EXT1: variants seen among roughly 807,000 people sequenced by gnomAD.
EXT1 encodes exostosin-1.
In EXT1, 20 loss-of-function variants were observed where a neutral mutation model predicts 82.5. The ratio of observed to expected loss-of-function variants is 0.24; its 90% CI spans 0.17 to 0.35. The LOEUF is 0.35. EXT1 is among the 10% of genes least tolerant of loss of function. The pLI, the probability that EXT1 is intolerant of heterozygous loss-of-function variation, is 1.00. For synonymous variants in EXT1, 348 were observed against 350.8 expected (o/e 0.99, Z 0.09); for missense variants, 757 against 936.5 (o/e 0.81, Z 2.50).
chr8:117,867,306 T>TG (rs1301567801), intron 1 of EXT1, among the ~76,000 whole-genome samples: 2 of 130,382 alleles, frequency 1.5e-5, no homozygotes, highest in African/African-American at 5.9e-5. Flanking sequence ...GGAAAATGAG[T>TG]GGGGAAGAGA....
At chr8:117,881,432 G>A (rs1039478295) in intron 1 of EXT1, among the ~76,000 whole-genome samples, 3 of 152,124 alleles carry the variant, frequency 2.0e-5, no homozygotes, top group African/African-American at 7.2e-5. Flanking sequence ...AATGACTCCT[G>A]GTTTTTAACA....
At chr8:117,923,286 A>C (rs1414948064) in intron 1 of EXT1, among the ~76,000 whole-genome samples, 1 of 152,070 alleles carries the variant, frequency 6.6e-6, no homozygotes, top group East Asian at 1.9e-4. Flanking sequence ...GTACCACTGC[A>C]CTCCAGCCTG....
At chr8:117,861,427 T>A (rs1812681470) in intron 1 of EXT1, among the ~76,000 whole-genome samples, 1 of 152,086 alleles carries the variant, frequency 6.6e-6, no homozygotes. Flanking sequence ...TAAGTCCCGA[T>A]TTTGGGGGGT....
intron 1 of EXT1, among the ~76,000 whole-genome samples, chr8:118,021,660 T>C (rs1053618700): frequency 6.6e-6 from 1 of 152,234 alleles, no homozygotes. Flanking sequence ...TGTGTGATGG[T>C]TCACTCAAGG....
At chr8:117,895,044 G>C (rs1298849786) in intron 1 of EXT1, among the ~76,000 whole-genome samples, 2 of 152,196 alleles carry the variant, frequency 1.3e-5, no homozygotes, top group Non-Finnish European at 2.9e-5. Flanking sequence ...GTATCAAATT[G>C]TCACAACCTC....
chr8:117,951,154 TTTTAGAGTGTTATCGTGACTGGTTA>T (rs1425748249), intron 1 of EXT1, among the ~76,000 whole-genome samples: 5 of 152,192 alleles, frequency 3.3e-5, no homozygotes, highest in African/African-American at 1.2e-4. Context: ...AGAGGTAATG[TTTTAGAGTGTTATCGTGACTGGTTA>T]TTTTAAGGGA....
intron 1 of EXT1, among the ~76,000 whole-genome samples, chr8:117,910,641 C>G (rs1813628840): frequency 6.6e-6 from 1 of 152,144 alleles, no homozygotes; most frequent in Non-Finnish European, 1.5e-5. Flanking sequence ...AACAGAGAAT[C>G]AATTATATGT....
chr8:117,879,740 C>A (rs1813030107), intron 1 of EXT1, among the ~76,000 whole-genome samples: 1 of 152,124 alleles, frequency 6.6e-6, no homozygotes, highest in Admixed American at 6.6e-5. Context: ...ATTTTCCCCC[C>A]AAAACACAAA....
chr8:118,007,263 C>T (rs1161257210), intron 1 of EXT1, among the ~76,000 whole-genome samples: 1 of 151,950 alleles, frequency 6.6e-6, no homozygotes, highest in Non-Finnish European at 1.5e-5. Context: ...CGCCACTGCA[C>T]TCCAACCTGG....
In EXT1 at chr8:118,110,787, T is replaced by C; in HGVS notation, c.260A>G (p.Asp87Gly). The C allele has an allele frequency of 6.2e-7, 1 of 1,613,742 alleles. No individual in the cohort carries two copies. The highest frequency in any genetic ancestry group is 8.5e-7 in the Non-Finnish European group (1 of 1,179,680). ...SVHISPRQKR[D>G]ANSSIYKGKK... is the part of the protein sequence containing the mutation. ...GCCTTTGTAGATGCTGGAGTTGGCA[T>C]CTCGCTTCTGCCGGGGGGAAATGTG... is the stretch of plus-strand genomic sequence containing the variant. The change falls in exon 1 of 11, where the codon GAT becomes GGT. Residue 87 changes from aspartate (D) to glycine (G), a missense_variant. This residue lies in a region of EXT1 where 175 missense variants were observed against 159.0 expected (regional missense o/e 1.10). Coordinates refer to ENST00000378204, the MANE Select transcript of EXT1 (RefSeq NM_000127.3).
intron 1 of EXT1, among the ~76,000 whole-genome samples, chr8:118,068,716 T>C (rs534133008): frequency 1.3e-5 from 2 of 152,288 alleles, no homozygotes; most frequent in South Asian, 4.1e-4. Flanking sequence ...GCAGAATATA[T>C]TACAAAAAAC....
intron 1 of EXT1, among the ~76,000 whole-genome samples, chr8:117,961,804 T>A (rs1001822739): frequency 6.6e-6 from 1 of 152,162 alleles, no homozygotes; most frequent in African/African-American, 2.4e-5. Context: ...AATGGCGGGC[T>A]GAGCTCCTGC....
intron 1 of EXT1, among the ~76,000 whole-genome samples, chr8:117,871,016 T>C (rs780216590): frequency 6.6e-6 from 1 of 152,122 alleles, no homozygotes; most frequent in African/African-American, 2.4e-5. Flanking sequence ...CCGATGTAAC[T>C]GGGAAAAAAA....
At chr8:117,933,779 C>G (rs189593860) in intron 1 of EXT1, among the ~76,000 whole-genome samples, 3 of 152,086 alleles carry the variant, frequency 2.0e-5, no homozygotes, top group African/African-American at 4.8e-5. Context: ...TACAACTGCC[C>G]CTCTATTTAA....
chr8:117,920,279 T>A (rs933246468), intron 1 of EXT1, among the ~76,000 whole-genome samples: 1 of 150,218 alleles, frequency 6.7e-6, no homozygotes, highest in Non-Finnish European at 1.5e-5. Flanking sequence ...GATTTTTGTA[T>A]TTTTAGTAGA....
chr8:117,850,430 C>A (rs17503662), intron 1 of EXT1, among the ~76,000 whole-genome samples: 1 of 152,148 alleles, frequency 6.6e-6, no homozygotes, highest in South Asian at 2.1e-4. Context: ...AACGGCCAGT[C>A]GACCATATCC....
intron 1 of EXT1, among the ~76,000 whole-genome samples, chr8:117,988,479 A>C (rs1336212838): frequency 1.3e-5 from 2 of 152,186 alleles, no homozygotes; most frequent in East Asian, 3.9e-4. Flanking sequence ...ATTCTGATGC[A>C]AAAGACGCTC....
chr8:117,927,921 C>G (rs866082338), intron 1 of EXT1, among the ~76,000 whole-genome samples: 2 of 152,224 alleles, frequency 1.3e-5, no homozygotes, highest in African/African-American at 4.8e-5. Flanking sequence ...AAACCTTAAT[C>G]TCACTGGCTT....
chr8:118,098,863 A>G (rs900668541), intron 1 of EXT1, among the ~76,000 whole-genome samples: 1 of 152,184 alleles, frequency 6.6e-6, no homozygotes, highest in African/African-American at 2.4e-5. Flanking sequence ...TTGAAAACCC[A>G]GAAATCAGAG....
Sources: allele counts gnomAD v4.1 joint callset (sites outside exome capture counted in the v4.1 genomes callset), GRCh38; gene constraint gnomAD v4.1.1; regional missense constraint gnomAD v4.1.1; transcripts MANE v1.5; gene names NCBI Gene and HGNC (gene_info 2026-07-23, HGNC 2026-07-21).